The following UGT2B17 variants were observed in gnomAD, a reference collection of about 807,000 sequenced individuals.
UGT2B17 encodes UDP-glucuronosyltransferase 2B17.
UGT2B17 carries 21 observed loss-of-function variants against 48.2 expected under a neutral mutation model. That is an observed-to-expected ratio of 0.44 (90% CI 0.31 to 0.63). The LOEUF (loss-of-function observed/expected upper bound fraction) is 0.63. Among genes scored for constraint, UGT2B17 ranks in the 20% least tolerant of loss-of-function variants. The pLI, the probability that UGT2B17 is intolerant of heterozygous loss-of-function variation, is 0.08. For synonymous variants in UGT2B17, 146 were observed against 238.4 expected, an observed-to-expected ratio of 0.61 and a Z score of 3.57; for missense variants, 402 against 696.1, an observed-to-expected ratio of 0.58 and a Z score of 4.75.
rs1439969087 is a variant in UGT2B17 at position 68,550,670 on chromosome 4, T to A, written c.1313+7A>T. The A allele has an allele frequency of 2.2e-6, 3 of 1,363,256 alleles. 1 individual carries two copies. In the African/African-American group the frequency reaches 4.4e-5, roughly 20 times the overall value. 84.4% of individuals were successfully genotyped at this position (1,363,256 alleles called of 1,614,324 possible). Reference sequence around the variant, plus strand: ...GTACCACCTGGTCACAAAATTGTAATACTCACATAGGGTCATTAATGACTG... The same window carrying A: ...GTACCACCTGGTCACAAAATTGTAAAACTCACATAGGGTCATTAATGACTG... On this transcript the variant is annotated splice_region_variant and intron_variant, in intron 6 of 6. Transcript: ENST00000317746.
Position 68,547,425 on chromosome 4 carries a change from G to C in UGT2B17, c.1313+3252C>G, listed in dbSNP as rs1311125675. Among the ~76,000 whole-genome samples, 2 of 125,654 alleles carry C rather than the reference G, an allele frequency of 1.6e-5. 1 individual carries two copies. The highest frequency in any genetic ancestry group is 5.4e-5 in the African/African-American group (2 of 36,750). The allele number at this position is 125,654 out of a possible 152,430, so 82.4% of individuals were successfully genotyped here. ...CTTACACCTTATACAAAAATTAATT[G>C]AAGATGGATTAAAGACTTACATGTT... On this transcript the variant is annotated intron_variant, in intron 6 of 6. Coordinates refer to ENST00000317746, the MANE Select transcript of UGT2B17 (RefSeq NM_001077.4).
chr4:68,564,290 A>ATTT (rs1413452406), intron 3 of UGT2B17, among the ~76,000 whole-genome samples: 11 of 89,658 alleles, frequency 1.2e-4, no homozygotes, highest in African/African-American at 5.2e-4. Context: ...ATATATATAT[A>ATTT]TATATTTTTT....
rs1318840734 is a variant in UGT2B17, at chr4:68,548,273, C to T, written c.1313+2404G>A. 2.4e-5 allele frequency among the ~76,000 whole-genome samples: 3 copies of T among 125,486 alleles called. 1 individual carries two copies. The highest frequency in any genetic ancestry group is 5.1e-5 in the Non-Finnish European group (3 of 59,322). 82.3% of individuals were successfully genotyped at this position (125,486 alleles called of 152,430 possible). ...AAAAATGATGAGTTCATGTCCTTTG[C>T]AGGGACATGGATGAAGCTGGAAACC... On this transcript the variant is annotated intron_variant, in intron 6 of 6. Transcript: ENST00000317746.
rs866052927 is a variant in UGT2B17, at chr4:68,564,296, T to A, written c.873+1276A>T. 3.5e-4 allele frequency among the ~76,000 whole-genome samples: 33 copies of A among 93,812 alleles called. 4 individuals are homozygous for A. The highest frequency in any genetic ancestry group is 2.8e-3 in the East Asian group (2 of 712). The allele number at this position is 93,812 out of a possible 152,430, so 61.5% of individuals were successfully genotyped here. A position where few individuals can be genotyped will look rare whatever the true frequency, so the allele number is the denominator to read the frequency against. On this transcript the variant is annotated intron_variant, in intron 3 of 6. Transcript: ENST00000317746. ...TTCATATATATATATATATATATAT[T>A]TTTTTTTTTTGAGACAGAGTCTCAC...
At position 68,555,848 on chromosome 4, in the gene UGT2B17, T is replaced by G. The variant is rs1730990200; in HGVS notation, c.1006-3937A>C. On this transcript the variant is annotated intron_variant, in intron 4 of 6. Coordinates refer to ENST00000317746, the MANE Select transcript of UGT2B17 (RefSeq NM_001077.4). ...AGTGTTGTCTAATTCAAAGCTTATT[T>G]AAAGGTTATGTATAAAACAAGGTAA... 1.6e-5 allele frequency among the ~76,000 whole-genome samples: 2 copies of G among 123,504 alleles called. 1 individual carries two copies. Among genetic ancestry groups the G allele is most frequent in the Non-Finnish European group, 3.4e-5 (2 of 58,648 alleles). 81.0% of individuals were successfully genotyped at this position (123,504 alleles called of 152,430 possible). A position where few individuals can be genotyped will look rare whatever the true frequency, so the allele number is the denominator to read the frequency against.
intron 6 of UGT2B17, 74 bp downstream of exon 6, chr4:68,550,603 A>G: frequency 1.8e-6 from 2 of 1,120,962 alleles, no homozygotes; most frequent in Non-Finnish European, 2.4e-6. Flanking sequence ...CTCTTAACAA[A>G]GGGTTCAAAC....
At position 68,570,286 on chromosome 4, in the gene UGT2B17, G is replaced by T. The variant is rs151115619; in HGVS notation, c.-64-1738C>A. On this transcript the variant is annotated intron_variant, in intron 1 of 6. Coordinates refer to ENST00000317746, the MANE Select transcript of UGT2B17 (RefSeq NM_001077.4). Reference sequence around the variant, plus strand: ...AAGCAGTGGGTATGTGACAGGTGCTGCATGCACTGCTGGTCAGAGAGAAAC... The same window carrying T: ...AAGCAGTGGGTATGTGACAGGTGCTTCATGCACTGCTGGTCAGAGAGAAAC... Among the ~76,000 whole-genome samples the T allele has an allele frequency of 2.1e-3, 264 of 127,356 alleles. 63 individuals are homozygous for T. The highest frequency in any genetic ancestry group is 3.1e-3 in the South Asian group (9 of 2,862). The allele number at this position is 127,356 out of a possible 152,430, so 83.6% of individuals were successfully genotyped here.
Position 68,575,492 on chromosome 4 carries a change from T to G in UGT2B17, c.-65+459A>C, listed in dbSNP as rs1388954433. The stretch of plus-strand genomic sequence containing the variant: ...TGACTCCATAGTCTCTATTAAATCC[T>G]TTCTTGAAATTCATTATCATAGTTC... On this transcript the variant is annotated intron_variant, in intron 1 of 6. Transcript: ENST00000317746. Among the ~76,000 whole-genome samples, 6 of 125,408 alleles carry G rather than the reference T, an allele frequency of 4.8e-5. 1 individual carries two copies. The highest frequency in any genetic ancestry group is 8.4e-5 in the Non-Finnish European group (5 of 59,462). The allele number at this position is 125,408 out of a possible 152,430, so 82.3% of individuals were successfully genotyped here.
In UGT2B17 at chr4:68,556,045, G is replaced by T. The variant is rs1237748421; in HGVS notation, c.1006-4134C>A. On this transcript the variant is annotated intron_variant, in intron 4 of 6. Coordinates refer to ENST00000317746, the MANE Select transcript of UGT2B17 (RefSeq NM_001077.4). Reference sequence around the variant, plus strand: ...GTTGTGTAAGAAAGAAGGATGTTCAGGACAAACCAGAAAGTCCAAACATAT... The same window carrying T: ...GTTGTGTAAGAAAGAAGGATGTTCATGACAAACCAGAAAGTCCAAACATAT... Among the ~76,000 whole-genome samples the T allele has an allele frequency of 4.2e-5, 5 of 118,654 alleles. 1 individual carries two copies. 77.8% of individuals were successfully genotyped at this position (118,654 alleles called of 152,430 possible).
Position 68,568,188 on chromosome 4 carries a change from A to G in UGT2B17, c.297T>C (p.Tyr99=), listed in dbSNP as rs369617587. 4.1e-5 allele frequency: 57 copies of G among 1,377,896 alleles called. 16 individuals are homozygous for G. Among genetic ancestry groups the G allele is most frequent in the African/African-American group, 3.4e-4 (23 of 67,856 alleles). 85.4% of individuals were successfully genotyped at this position (1,377,896 alleles called of 1,614,324 possible). A position where few individuals can be genotyped will look rare whatever the true frequency, so the allele number is the denominator to read the frequency against. The change falls in exon 2 of 7, where the codon TAT becomes TAC. Residue 99 remains tyrosine (Y), a synonymous_variant. Transcript: ENST00000317746. ...FFMKMFDRWT[Y]SISKNTFWSY... ...ACCAAAATGTATTTTTTGAAATACT[A>G]TATGTCCATCTATCGAACATTTTCA...
rs942807603 is a variant in UGT2B17 at position 68,564,104 on chromosome 4, A to G, written c.873+1468T>C. On this transcript the variant is annotated intron_variant, in intron 3 of 6. Coordinates refer to ENST00000317746, the MANE Select transcript of UGT2B17 (RefSeq NM_001077.4). ...TGTAAAAGTAGTCATGATTGCCTAA[A>G]CTCATGTAAAAGTTCCTAAATATTC... 8.1e-5 allele frequency among the ~76,000 whole-genome samples: 10 copies of G among 123,052 alleles called. 2 individuals are homozygous for G. Among genetic ancestry groups the G allele is most frequent in the Non-Finnish European group, 1.5e-4 (9 of 58,900 alleles). 80.7% of individuals were successfully genotyped at this position (123,052 alleles called of 152,430 possible).
Position 68,554,829 on chromosome 4 carries a change from A to G in UGT2B17, c.1006-2918T>C, listed in dbSNP as rs1430281792. 2.4e-5 allele frequency among the ~76,000 whole-genome samples: 3 copies of G among 125,680 alleles called. 1 individual carries two copies. The highest frequency in any genetic ancestry group is 3.4e-5 in the Non-Finnish European group (2 of 59,384). 82.5% of individuals were successfully genotyped at this position (125,680 alleles called of 152,430 possible). A position where few individuals can be genotyped will look rare whatever the true frequency, so the allele number is the denominator to read the frequency against. ...GATCAAGTATTCATACAGATTACCTATTGAAACAGGTTATCAAGAATTTGA... is the reference window on the plus strand; with the variant it reads ...GATCAAGTATTCATACAGATTACCTGTTGAAACAGGTTATCAAGAATTTGA... On this transcript the variant is annotated intron_variant, in intron 4 of 6. Transcript: ENST00000317746.
intron 3 of UGT2B17, among the ~76,000 whole-genome samples, chr4:68,565,091 A>G (rs1731173729): frequency 7.9e-6 from 1 of 126,050 alleles, no homozygotes; most frequent in Admixed American, 8.1e-5. Flanking sequence ...TTAATTGTCA[A>G]TGAGTTTGGG....
intron 4 of UGT2B17, among the ~76,000 whole-genome samples, chr4:68,553,569 C>T (rs1730952228): frequency 8.0e-6 from 1 of 125,044 alleles, no homozygotes. Flanking sequence ...ATGACCTGAT[C>T]TCTTTGGCTT....
intron 1 of UGT2B17, among the ~76,000 whole-genome samples, chr4:68,573,643 G>A (rs764556990): frequency 7.9e-6 from 1 of 126,106 alleles, no homozygotes; most frequent in Non-Finnish European, 1.7e-5. Flanking sequence ...TGAAATGCCA[G>A]GGTGAAAGGG....
At chr4:68,545,117 G>A (rs140892886) in intron 6 of UGT2B17, among the ~76,000 whole-genome samples, 8,466 of 125,382 alleles carry the variant, frequency 0.068, 2,196 homozygotes, top group Non-Finnish European at 0.11. Context: ...TCAACAGAAT[G>A]TACATTCTTT....
chr4:68,546,450 C>T (rs1391864410), intron 6 of UGT2B17, among the ~76,000 whole-genome samples: 2 of 126,296 alleles, frequency 1.6e-5, no homozygotes, highest in Non-Finnish European at 3.4e-5. Context: ...TTATCTATGA[C>T]AAACCCACAG....
At chr4:68,564,294 A>ATATATATATT (rs1366181355) in intron 3 of UGT2B17, among the ~76,000 whole-genome samples, 5 of 75,778 alleles carry the variant, frequency 6.6e-5, no homozygotes, top group Admixed American at 3.1e-4. Flanking sequence ...ATATATATAT[A>ATATATATATT]TTTTTTTTTT....
rs1347660012 is a variant in UGT2B17, at chr4:68,539,942, C to T, written c.1314-2038G>A. 1.7e-5 allele frequency among the ~76,000 whole-genome samples: 2 copies of T among 121,042 alleles called. 1 individual carries two copies. Among genetic ancestry groups the T allele is most frequent in the African/African-American group, 5.7e-5 (2 of 35,256 alleles). 79.4% of individuals were successfully genotyped at this position (121,042 alleles called of 152,430 possible). On this transcript the variant is annotated intron_variant, in intron 6 of 6. Transcript: ENST00000317746. ...TGGGACTACAGGTGCTCATCCCCCA[C>T]ATCTGGCTAAGTTTTGTATTACTAG...
Sources: gnomAD v4.1 joint callset for allele counts (sites outside exome capture counted in the v4.1 genomes callset) on GRCh38, gnomAD v4.1.1 for gene constraint, MANE v1.5 for transcripts, NCBI Gene and HGNC (gene_info 2026-07-23, HGNC 2026-07-21) for gene names.